ARHGAP21: variants seen among roughly 807,000 people sequenced by gnomAD.
The protein encoded by ARHGAP21 is rho GTPase-activating protein 21.
ARHGAP21 carries 38 observed loss-of-function variants against 164.6 expected under a neutral mutation model. The ratio of observed to expected loss-of-function variants is 0.23; its 90% CI spans 0.18 to 0.30. The LOEUF (loss-of-function observed/expected upper bound fraction) is 0.30. Among genes scored for constraint, ARHGAP21 ranks in the 10% least tolerant of loss-of-function variants. ARHGAP21 has a pLI of 1.00. For missense variants in ARHGAP21, 1,822 were observed against 2,370.7 expected (o/e 0.77, Z 4.81); for synonymous variants, 766 against 857.9 (o/e 0.89, Z 1.87).
At chr10:24,596,470 A>C (rs549920190) in intron 17 of ARHGAP21, 3 of 539,994 alleles carry the variant, frequency 5.6e-6, no homozygotes, top group Non-Finnish European at 9.6e-6. Context: ...TTGTTTTAAA[A>C]TGCTAAAAGC....
intron 2 of ARHGAP21, among the ~76,000 whole-genome samples, chr10:24,710,918 A>G (rs1212021218): frequency 6.6e-6 from 1 of 151,838 alleles, no homozygotes; most frequent in South Asian, 2.1e-4. Context: ...ACATGGCGAA[A>G]CCCCATCTCT....
intron 4 of ARHGAP21, among the ~76,000 whole-genome samples, chr10:24,646,323 G>T (rs531902929): frequency 1.4e-4 from 22 of 152,042 alleles, no homozygotes; most frequent in Non-Finnish European, 2.6e-4. Flanking sequence ...CTTAAGTTAT[G>T]GAGCAGCTGA....
At chr10:24,589,400 T>C in intron 24 of ARHGAP21, 98 bp from the exon 25 acceptor site, 2 of 1,133,530 alleles carry the variant, frequency 1.8e-6, no homozygotes, top group Non-Finnish European at 2.6e-6. Context: ...CAGAACAAAA[T>C]GTGAAAGCAA....
intron 17 of ARHGAP21, chr10:24,596,253 G>A: frequency 4.2e-6 from 2 of 471,398 alleles, no homozygotes; most frequent in Middle Eastern, 5.3e-4. Context: ...GAAAGAAAGA[G>A]AGGGACCCCC....
In ARHGAP21 at chr10:24,619,743, A is replaced by G; in HGVS notation, c.2152T>C (p.Leu718=). ...PVSQRNQDLS[L]QEAETEQSDT... ...GATTGCTCAGTTTCAGCCTCTTGTA[A>G]ACTTAAATCTTGATTCCTTTGACTG... is the stretch of plus-strand genomic sequence containing the variant. Residue 718 remains leucine, a synonymous_variant, in exon 9 of 26, where the codon TTA becomes CTA. Transcript: ENST00000396432. The G allele has an allele frequency of 6.2e-7, 1 of 1,614,112 alleles. No homozygotes were observed. Among genetic ancestry groups the G allele is most frequent in the Non-Finnish European group, 8.5e-7 (1 of 1,180,030 alleles).
chr10:24,641,951 G>A (rs1051256594), intron 4 of ARHGAP21, among the ~76,000 whole-genome samples: 1 of 150,858 alleles, frequency 6.6e-6, no homozygotes, highest in Admixed American at 6.6e-5. Flanking sequence ...AGCCTAGACT[G>A]CGCCACTGCA....
At chr10:24,605,905 T>C in intron 11 of ARHGAP21, 1 of 152,256 alleles carries the variant, frequency 6.6e-6, no homozygotes, top group East Asian at 1.9e-4. Flanking sequence ...TGTACATTAA[T>C]ACACAGATAA....
At chr10:24,715,658 G>A (rs118113398) in intron 2 of ARHGAP21, among the ~76,000 whole-genome samples, 14 of 152,240 alleles carry the variant, frequency 9.2e-5, no homozygotes, top group African/African-American at 2.9e-4. Flanking sequence ...AATTTAAGGT[G>A]GGCAGGAGGT....
At chr10:24,649,201 C>T (rs1288883509) in intron 4 of ARHGAP21, among the ~76,000 whole-genome samples, 2 of 152,190 alleles carry the variant, frequency 1.3e-5, no homozygotes, top group Non-Finnish European at 2.9e-5. Context: ...TACTAGCTAA[C>T]TGGGCTAATA....
chr10:24,718,190 GT>G (rs1845582555), intron 2 of ARHGAP21, among the ~76,000 whole-genome samples: 1 of 152,192 alleles, frequency 6.6e-6, no homozygotes, highest in Admixed American at 6.5e-5. Context: ...TGCTGACCTA[GT>G]TTTTGACTTG....
intron 9 of ARHGAP21, among the ~76,000 whole-genome samples, chr10:24,610,258 T>C (rs922346380): frequency 6.6e-6 from 1 of 151,722 alleles, no homozygotes; most frequent in African/African-American, 2.4e-5. Context: ...GCGCCTGTAG[T>C]CCCAGCTACT....
chr10:24,644,799 T>C (rs935692136), intron 4 of ARHGAP21, among the ~76,000 whole-genome samples: 11 of 152,352 alleles, frequency 7.2e-5, no homozygotes, highest in African/African-American at 2.4e-4. Context: ...TCATTCTACA[T>C]GTCTTTGTCC....
rs1164653746 is a variant in ARHGAP21, at chr10:24,588,922, G to A, written c.4182+349C>T. Among the ~76,000 whole-genome samples, 4 of 152,124 alleles carry A rather than the reference G, an allele frequency of 2.6e-5. No homozygotes were observed. The East Asian group carries it at 7.7e-4, about 29-fold the overall frequency. On this transcript the variant is annotated intron_variant, in intron 25 of 25. Coordinates refer to ENST00000396432, the MANE Select transcript of ARHGAP21 (RefSeq NM_020824.4). ...GGTGGCGTACAGAGCAAACGGAGTC[G>A]GCCGAGTGCTGATAATTACTGGAGA...
rs187904291 is a variant in ARHGAP21, at chr10:24,620,003, G to A, written c.1892C>T (p.Thr631Met). The A allele has an allele frequency of 5.6e-6, 9 of 1,614,004 alleles. No individual in the cohort carries two copies. Among genetic ancestry groups the A allele is most frequent in the Middle Eastern group, 1.7e-4 (1 of 6,056 alleles). The change falls in exon 9 of 26, where the codon ACG becomes ATG. Residue 631 changes from threonine (T) to methionine (M), a missense_variant. Thr to Met is a moderately conservative substitution (Grantham distance 81). Around this residue, in one of 5 missense-constraint regions of ARHGAP21, gnomAD observed 1,090 missense variants for 1,378.9 expected, o/e 0.79. Coordinates refer to ENST00000396432, the MANE Select transcript of ARHGAP21 (RefSeq NM_020824.4). ...VRSNSLKAPS[T>M]HVTKPSFSQK... The stretch of plus-strand genomic sequence containing the variant: ...GCTAAATGATGGTTTTGTGACATGC[G>A]TGGAAGGAGCTTTCAGAGAATTACT...
chr10:24,647,856 C>T (rs1565091652), intron 4 of ARHGAP21, among the ~76,000 whole-genome samples: 5 of 151,856 alleles, frequency 3.3e-5, no homozygotes, highest in Admixed American at 2.0e-4. Flanking sequence ...CTCTTTTTTC[C>T]CCAGACAGTC....
chr10:24,687,846 G>A (rs1038459655), intron 2 of ARHGAP21, among the ~76,000 whole-genome samples: 32 of 152,226 alleles, frequency 2.1e-4, no homozygotes, highest in Admixed American at 1.0e-3. Flanking sequence ...AGCTACAGAC[G>A]GTCAGACACA....
intron 4 of ARHGAP21, among the ~76,000 whole-genome samples, chr10:24,636,610 T>C (rs1465190220): frequency 6.6e-6 from 1 of 152,200 alleles, no homozygotes; most frequent in East Asian, 1.9e-4. Context: ...ACTGAATTGT[T>C]ACCATAGTGT....
chr10:24,668,858 TA>T (rs529348025), intron 3 of ARHGAP21, among the ~76,000 whole-genome samples: 24 of 152,234 alleles, frequency 1.6e-4, no homozygotes, highest in African/African-American at 4.6e-4. Context: ...AATTATCTTA[TA>T]AAAAAATTGT....
At chr10:24,636,781 C>T (rs553693165) in intron 4 of ARHGAP21, among the ~76,000 whole-genome samples, 18 of 152,130 alleles carry the variant, frequency 1.2e-4, no homozygotes, top group Non-Finnish European at 2.1e-4. Flanking sequence ...GTTTTAGAAG[C>T]GAGTAGACAT....
Sources: allele counts gnomAD v4.1 joint callset (sites outside exome capture counted in the v4.1 genomes callset), GRCh38; gene constraint gnomAD v4.1.1; regional missense constraint gnomAD v4.1.1; transcripts MANE v1.5; gene names NCBI Gene and HGNC (gene_info 2026-07-23, HGNC 2026-07-21).